The following TNRC6B variants were observed in gnomAD, a reference collection of about 807,000 sequenced individuals.
The protein encoded by TNRC6B is trinucleotide repeat containing adaptor 6B.
Under a neutral mutation model 203.6 loss-of-function variants are expected in TNRC6B, and 52 were observed. That is an observed-to-expected ratio of 0.26 (90% CI 0.20 to 0.32). The LOEUF is 0.32. Ranked by LOEUF, TNRC6B falls within the 10% of genes least tolerant of loss-of-function variation. The pLI is 1.00. For missense variants in TNRC6B, 1,923 were observed against 2,286.2 expected, an observed-to-expected ratio of 0.84 and a Z score of 3.24; for synonymous variants, 838 against 845.7, an observed-to-expected ratio of 0.99 and a Z score of 0.16.
intron 1 of TNRC6B, among the ~76,000 whole-genome samples, chr22:40,218,545 C>G (rs1476901383): frequency 6.6e-6 from 1 of 152,058 alleles, no homozygotes; most frequent in East Asian, 1.9e-4. Context: ...CCAGGCTAGT[C>G]TCGAACTGCT....
intron 1 of TNRC6B, among the ~76,000 whole-genome samples, chr22:40,065,691 G>A (rs1188437671): frequency 1.3e-5 from 2 of 152,044 alleles, no homozygotes; most frequent in African/African-American, 4.8e-5. Context: ...ATTGAGCTTT[G>A]TTCTGGATCG....
At chr22:40,132,525 G>T (rs1476943978) in intron 3 of TNRC6B, among the ~76,000 whole-genome samples, 1 of 143,380 alleles carries the variant, frequency 7.0e-6, no homozygotes, top group African/African-American at 2.6e-5. Flanking sequence ...GGGGCCTGTA[G>T]TCCCAGCTAC....
intron 1 of TNRC6B, among the ~76,000 whole-genome samples, chr22:40,233,773 G>A (rs2069911210): frequency 6.6e-6 from 1 of 152,164 alleles, no homozygotes; most frequent in African/African-American, 2.4e-5. Flanking sequence ...CATATTTCAT[G>A]GATTCTGAGC....
At chr22:40,153,354 C>T (rs909279595) in intron 3 of TNRC6B, among the ~76,000 whole-genome samples, 3 of 151,902 alleles carry the variant, frequency 2.0e-5, no homozygotes, top group African/African-American at 7.3e-5. Context: ...ACATCCCTAG[C>T]GAGATGTCAG....
chr22:40,144,926 A>G (rs1035086572), intron 3 of TNRC6B, among the ~76,000 whole-genome samples: 6 of 151,792 alleles, frequency 4.0e-5, no homozygotes, highest in Admixed American at 3.9e-4. Flanking sequence ...TGAAGGTACA[A>G]CCATATCTAA....
At chr22:40,302,834 C>A (rs1036399924) in intron 15 of TNRC6B, among the ~76,000 whole-genome samples, 17 of 152,044 alleles carry the variant, frequency 1.1e-4, no homozygotes, top group Non-Finnish European at 2.2e-4. Context: ...AGATCCTTAG[C>A]TTCCACCAAC....
intron 5 of TNRC6B, among the ~76,000 whole-genome samples, chr22:40,269,533 G>A (rs909078843): frequency 2.6e-5 from 4 of 151,988 alleles, no homozygotes; most frequent in Non-Finnish European, 5.9e-5. Flanking sequence ...TCAGTGATGC[G>A]GTGAGTATTG....
intron 1 of TNRC6B, among the ~76,000 whole-genome samples, chr22:40,105,825 C>T (rs922315088): frequency 2.6e-5 from 4 of 152,272 alleles, no homozygotes. Context: ...GCGTATCTGT[C>T]TTGAACTTTA....
intron 1 of TNRC6B, among the ~76,000 whole-genome samples, chr22:40,061,158 C>T (rs2067847063): frequency 6.6e-6 from 1 of 152,112 alleles, no homozygotes; most frequent in Non-Finnish European, 1.5e-5. Context: ...AGAATATGGT[C>T]TATCTAGGTA....
intron 10 of TNRC6B, 31 bp downstream of exon 10, chr22:40,280,174 T>C (rs543253739): frequency 1.3e-6 from 2 of 1,598,430 alleles, no homozygotes; most frequent in East Asian, 2.2e-5. Flanking sequence ...AAGATAATAA[T>C]TCATGAGAAC....
At chr22:40,143,658 C>G (rs567148721) in intron 3 of TNRC6B, among the ~76,000 whole-genome samples, 26 of 152,054 alleles carry the variant, frequency 1.7e-4, no homozygotes, top group Middle Eastern at 3.4e-3. Flanking sequence ...CACCACGCCC[C>G]GCTAATTTTT....
intron 3 of TNRC6B, 63 bp downstream of exon 3, chr22:40,251,263 G>A: frequency 7.6e-7 from 1 of 1,316,340 alleles, no homozygotes; most frequent in Non-Finnish European, 1.0e-6. Flanking sequence ...TTACACTGTT[G>A]CTGACTCAGC....
intron 21 of TNRC6B, among the ~76,000 whole-genome samples, chr22:40,319,626 A>G (rs981845678): frequency 6.6e-6 from 1 of 152,032 alleles, no homozygotes; most frequent in African/African-American, 2.4e-5. Flanking sequence ...GGGTTTCACC[A>G]TGTTAGCCAG....
chr22:40,109,476 C>A (rs1011303929), intron 1 of TNRC6B, among the ~76,000 whole-genome samples: 1 of 152,104 alleles, frequency 6.6e-6, no homozygotes, highest in Non-Finnish European at 1.5e-5. Context: ...ATAAAATCAC[C>A]GTTCTGACTT....
intron 2 of TNRC6B, among the ~76,000 whole-genome samples, chr22:40,125,056 T>A (rs2146323721): frequency 6.6e-6 from 1 of 152,272 alleles, no homozygotes; most frequent in African/African-American, 2.4e-5. Context: ...ATGTAATGAA[T>A]TCTTGAAAAT....
intron 22 of TNRC6B, among the ~76,000 whole-genome samples, 195 bp from the exon 23 acceptor site, chr22:40,322,659 G>A (rs1279396142): frequency 2.6e-5 from 4 of 152,102 alleles, no homozygotes; most frequent in East Asian, 1.9e-4. Flanking sequence ...ATTACCTGGC[G>A]GTCTGGTTGA....
chr22:40,244,787 A>T (rs2070082481), intron 1 of TNRC6B, among the ~76,000 whole-genome samples: 1 of 152,204 alleles, frequency 6.6e-6, no homozygotes, highest in Non-Finnish European at 1.5e-5. Flanking sequence ...ATAAGCATAG[A>T]GTCTGGGGTT....
At chr22:40,174,845 A>C (rs1345857463), upstream of TNRC6B, among the ~76,000 whole-genome samples, 3 of 151,274 alleles carry the variant, frequency 2.0e-5, no homozygotes, top group African/African-American at 7.3e-5. Context: ...AAAAAAATTT[A>C]TTTCTTTGTG....
intron 1 of TNRC6B, among the ~76,000 whole-genome samples, chr22:40,104,146 G>A (rs1488036178): frequency 6.6e-6 from 1 of 152,026 alleles, no homozygotes; most frequent in Non-Finnish European, 1.5e-5. Flanking sequence ...AACTACTCAG[G>A]AGGCTGAGGC....
Sources: allele counts gnomAD v4.1 joint callset (sites outside exome capture counted in the v4.1 genomes callset), GRCh38; gene constraint gnomAD v4.1.1; transcripts MANE v1.5; gene names NCBI Gene and HGNC (gene_info 2026-07-23, HGNC 2026-07-21).